SUN3: variants seen among roughly 807,000 people sequenced by gnomAD.
SUN3 encodes Sad1 and UNC84 domain containing 3, also known as SUN domain-containing protein 3.
A neutral mutation model predicts 48.2 loss-of-function variants in SUN3; 36 were observed. That is an observed-to-expected ratio of 0.75 (90% confidence interval 0.57 to 0.99). SUN3 has a LOEUF of 0.99. Ranked by LOEUF, SUN3 falls within the 50% of genes least tolerant of loss-of-function variation. The pLI is 0.00. For missense variants in SUN3, 419 were observed against 433.1 expected, an observed-to-expected ratio of 0.97 and a Z score of 0.29; for synonymous variants, 148 against 147.9, an observed-to-expected ratio of 1.00 and a Z score of 0.00.
intron 9 of SUN3, 29 bp from the exon 10 acceptor site, chr7:47,987,478 C>T: frequency 1.3e-6 from 2 of 1,497,632 alleles, no homozygotes; most frequent in Non-Finnish European, 1.8e-6. Context: ...AAATCAATGC[C>T]TTATAACGAA....
At chr7:48,020,865 C>T (rs1789974260) in intron 2 of SUN3, among the ~76,000 whole-genome samples, 1 of 151,980 alleles carries the variant, frequency 6.6e-6, no homozygotes, top group Non-Finnish European at 1.5e-5. Flanking sequence ...AAGCAATCTA[C>T]ATATTCAATG....
chr7:48,017,356 T>G lies in SUN3; in HGVS notation c.194A>C (p.Asn65Thr), dbSNP rs1327689270. The G allele has an allele frequency of 6.3e-7, 1 of 1,588,262 alleles. No individual in the cohort carries two copies. The highest frequency in any genetic ancestry group is 1.7e-5 in the Admixed American group (1 of 58,248). The change falls in exon 3 of 10, where the codon AAT becomes ACT. Residue 65 changes from asparagine to threonine, a missense_variant. Asn to Thr is a moderately conservative substitution (Grantham distance 65). Coordinates refer to ENST00000297325, the MANE Select transcript of SUN3 (RefSeq NM_001030019.2). ...TLTFLLVGLL[N>T]HQWLKETDVP... Reference sequence around the variant, plus strand: ...ATCTGTTTCTTTAAGCCACTGATGATTTAGGAGTCCTGTTAAAGAAAAGAC... The same window carrying G: ...ATCTGTTTCTTTAAGCCACTGATGAGTTAGGAGTCCTGTTAAAGAAAAGAC...
intron 6 of SUN3, among the ~76,000 whole-genome samples, chr7:48,003,302 C>T (rs939496019): frequency 3.9e-5 from 6 of 152,294 alleles, no homozygotes; most frequent in African/African-American, 1.2e-4. Flanking sequence ...CAGTACCATG[C>T]TGTTTTGGTT....
chr7:48,017,405 T>G, intron 2 of SUN3, 40 bp from the exon 3 acceptor site: 1 of 1,132,332 alleles, frequency 8.8e-7, no homozygotes, highest in Non-Finnish European at 1.3e-6. Context: ...AGAGTTTCTC[T>G]GGAAACATAA....
At chr7:47,997,327 C>T (rs1341168845) in intron 6 of SUN3, among the ~76,000 whole-genome samples, 1 of 152,080 alleles carries the variant, frequency 6.6e-6, no homozygotes, top group African/African-American at 2.4e-5. Flanking sequence ...ACTGGGCTCC[C>T]TTCATTTTAT....
chr7:47,999,523 AATTTTTTATTT>A (rs1470558694), intron 6 of SUN3, among the ~76,000 whole-genome samples: 1 of 151,374 alleles, frequency 6.6e-6, no homozygotes, highest in Non-Finnish European at 1.5e-5. Flanking sequence ...TATTAGTTGA[AATTTTTTATTT>A]ATTTTTTATT....
At chr7:48,004,171 A>G (rs956936244) in intron 6 of SUN3, among the ~76,000 whole-genome samples, 4 of 152,312 alleles carry the variant, frequency 2.6e-5, no homozygotes, top group Admixed American at 6.5e-5. Flanking sequence ...TTGTGTGACA[A>G]TTCCAACATC....
chr7:47,991,210 C>G (rs1371228157), intron 8 of SUN3, among the ~76,000 whole-genome samples: 1 of 152,102 alleles, frequency 6.6e-6, no homozygotes, highest in Non-Finnish European at 1.5e-5. Flanking sequence ...GATACTGCGC[C>G]CAGTCCTTTT....
At chr7:48,013,501 C>T (rs1290675148) in intron 3 of SUN3, among the ~76,000 whole-genome samples, 1 of 152,090 alleles carries the variant, frequency 6.6e-6, no homozygotes. Context: ...ATATTCTTTA[C>T]TTATTTTTCT....
intron 2 of SUN3, 42 bp downstream of exon 2, chr7:48,025,835 C>G (rs372797312): frequency 2.3e-5 from 31 of 1,341,708 alleles, no homozygotes; most frequent in Non-Finnish European, 3.2e-5. Flanking sequence ...GCAGACATAA[C>G]CTGTGGAATG....
Position 47,994,420 on chromosome 7 carries a change from CT to C in SUN3, c.755del (p.Lys252SerfsTer49). ...CAGTTGGTATGATCTTTGTAGCAAG[CT>C]TGATTAGGGTATGACCCTGGGAACC... Reference protein sequence around the residue: ...FPGSQGHTLIKLATKIIPTAV... With the variant: ...FPGSQGHTLIXLATKIIPTAV... On this transcript the variant is annotated frameshift_variant, in exon 8 of 10. Coordinates refer to ENST00000297325, the MANE Select transcript of SUN3 (RefSeq NM_001030019.2). LOFTEE classifies it high-confidence loss of function. 1.2e-6 allele frequency: 2 copies of C among 1,613,012 alleles called. No individual in the cohort carries two copies. Among genetic ancestry groups the C allele is most frequent in the Non-Finnish European group, 1.7e-6 (2 of 1,179,604 alleles).
chr7:47,994,216 CA>C, intron 8 of SUN3, 98 bp downstream of exon 8: 1 of 1,081,338 alleles, frequency 9.2e-7, no homozygotes, highest in Non-Finnish European at 1.3e-6. Context: ...ATAAGTGACA[CA>C]ACTAGTTATC....
rs147512786 is a variant in SUN3 at position 47,987,163 on chromosome 7, T to C, written c.*167A>G. ...GGCAAGGATATTTAATTTACTTCCATATTTTTTTATTAGTAAAATGCATTT... is the reference window on the plus strand; with the variant it reads ...GGCAAGGATATTTAATTTACTTCCACATTTTTTTATTAGTAAAATGCATTT... On this transcript the variant is annotated 3_prime_UTR_variant, in exon 10 of 10. Transcript: ENST00000297325. 918 of 541,820 alleles carry C rather than the reference T, an allele frequency of 1.7e-3. 5 individuals carry two copies. The highest frequency in any genetic ancestry group is 0.013 in the Middle Eastern group (39 of 2,904). 33.6% of individuals were successfully genotyped at this position (541,820 alleles called of 1,614,324 possible). A position where few individuals can be genotyped will look rare whatever the true frequency, so the allele number is the denominator to read the frequency against.
intron 8 of SUN3, among the ~76,000 whole-genome samples, chr7:47,992,127 G>A (rs925959563): frequency 1.3e-5 from 2 of 152,140 alleles, no homozygotes; most frequent in African/African-American, 4.8e-5. Flanking sequence ...GAAATGGCCC[G>A]ACCAGATGAT....
At chr7:48,008,185 A>G (rs1431623699) in intron 4 of SUN3, among the ~76,000 whole-genome samples, 1 of 152,210 alleles carries the variant, frequency 6.6e-6, no homozygotes, top group African/African-American at 2.4e-5. Flanking sequence ...AGAAAATGTC[A>G]AGCGAATAGG....
chr7:48,034,205 A>T, the SUN3 span, among the ~76,000 whole-genome samples: 3 of 152,234 alleles, frequency 2.0e-5, no homozygotes, highest in Non-Finnish European at 4.4e-5. Flanking sequence ...TTGCAGTATG[A>T]AGTCTTGATT....
intron 3 of SUN3, among the ~76,000 whole-genome samples, chr7:48,015,355 C>A (rs980301555): frequency 5.3e-5 from 8 of 152,166 alleles, no homozygotes; most frequent in African/African-American, 1.9e-4. Flanking sequence ...TCAGCATATG[C>A]AGACTGAGTA....
At chr7:48,015,184 C>T (rs1789778094) in intron 3 of SUN3, among the ~76,000 whole-genome samples, 1 of 152,184 alleles carries the variant, frequency 6.6e-6, no homozygotes. Context: ...CTCATCTCTG[C>T]TTTTCTGGTT....
chr7:48,014,507 G>A (rs1789759248), intron 3 of SUN3, among the ~76,000 whole-genome samples: 1 of 152,186 alleles, frequency 6.6e-6, no homozygotes, highest in Non-Finnish European at 1.5e-5. Flanking sequence ...AAATAAAGCA[G>A]GGGTAAAAAC....
Sources: gnomAD v4.1 joint callset for allele counts (sites outside exome capture counted in the v4.1 genomes callset) on GRCh38, gnomAD v4.1.1 for gene constraint, MANE v1.5 for transcripts, NCBI Gene and HGNC (gene_info 2026-07-23, HGNC 2026-07-21) for gene names.